ZFP3: variants seen among roughly 807,000 people sequenced by gnomAD.
The protein encoded by ZFP3 is ZFP3 zinc finger protein.
Under a neutral mutation model 36.7 loss-of-function variants are expected in ZFP3, and 18 were observed. That is an observed-to-expected ratio of 0.49 (90% CI 0.34 to 0.73). The LOEUF is 0.73. Ranked by LOEUF, ZFP3 falls within the 30% of genes least tolerant of loss-of-function variation. ZFP3 has a pLI of 0.01. For synonymous variants in ZFP3, 218 were observed against 199.0 expected, an observed-to-expected ratio of 1.10 and a Z score of -0.81; for missense variants, 495 against 599.0, an observed-to-expected ratio of 0.83 and a Z score of 1.81.
chr17:5,081,398 G>A (rs1375131460), intron 1 of ZFP3, among the ~76,000 whole-genome samples: 4 of 152,088 alleles, frequency 2.6e-5, no homozygotes, highest in Non-Finnish European at 5.9e-5. Flanking sequence ...GTCTTCAGAT[G>A]GAAATATGTG....
At chr17:5,086,241 T>A (rs1002007935) in intron 1 of ZFP3, among the ~76,000 whole-genome samples, 1 of 152,082 alleles carries the variant, frequency 6.6e-6, no homozygotes, top group African/African-American at 2.4e-5. Flanking sequence ...CTTCCAGGTG[T>A]CTGGGGAGGG....
At chr17:5,083,879 T>G (rs896569579) in intron 1 of ZFP3, among the ~76,000 whole-genome samples, 9 of 151,420 alleles carry the variant, frequency 5.9e-5, no homozygotes, top group African/African-American at 1.9e-4. Context: ...TTCTTTTCTT[T>G]TTTTTGAGAT....
chr17:5,083,279 C>T (rs978220768), intron 1 of ZFP3, among the ~76,000 whole-genome samples: 7 of 152,222 alleles, frequency 4.6e-5, no homozygotes, highest in East Asian at 1.9e-4. Context: ...CTTTGTAGGC[C>T]GGGCGCAGTG....
Position 5,093,019 on chromosome 17 carries a change from A to G in ZFP3, c.*6A>G, listed in dbSNP as rs1356463001. The G allele has an allele frequency of 6.5e-7, 1 of 1,547,508 alleles. No individual in the cohort carries two copies. Among genetic ancestry groups the G allele is most frequent in the Admixed American group, 2.1e-5 (1 of 46,518 alleles). On this transcript the variant is annotated 3_prime_UTR_variant, in exon 2 of 2. Transcript: ENST00000318833. ...GTGTTCACTGTATGGAGTAATCTGC[A>G]AAATAGGAAAGCTTTTAGTGGAAAA...
At position 5,093,074 on chromosome 17, in the gene ZFP3, A is replaced by G; in HGVS notation, c.*61A>G. 1 of 1,447,150 alleles carries G rather than the reference A, an allele frequency of 6.9e-7. No homozygotes were observed. The highest frequency in any genetic ancestry group is 1.4e-5 in the South Asian group (1 of 69,994). 89.6% of individuals were successfully genotyped at this position (1,447,150 alleles called of 1,614,324 possible). ...AAGTCCAACTTATTCATTTGTTCAT[A>G]ATATGCAAATATGCACCCCAAGTAT... On this transcript the variant is annotated 3_prime_UTR_variant, in exon 2 of 2. Transcript: ENST00000318833.
chr17:5,079,769 A>G (rs751618868), intron 1 of ZFP3, among the ~76,000 whole-genome samples: 2 of 150,098 alleles, frequency 1.3e-5, no homozygotes, highest in African/African-American at 2.5e-5. Context: ...GCTGGGCGTG[A>G]TGGCTCATGC....
At chr17:5,084,719 C>G (rs1431228401) in intron 1 of ZFP3, among the ~76,000 whole-genome samples, 1 of 152,200 alleles carries the variant, frequency 6.6e-6, no homozygotes, top group Non-Finnish European at 1.5e-5. Context: ...TGGTCAACCT[C>G]TACTCTTCCA....
At chr17:5,087,954 G>T (rs1338936775) in intron 1 of ZFP3, among the ~76,000 whole-genome samples, 1 of 152,180 alleles carries the variant, frequency 6.6e-6, no homozygotes, top group African/African-American at 2.4e-5. Context: ...AAGATCTAGA[G>T]GGAAAATGGA....
chr17:5,086,993 G>A (rs1200262043), intron 1 of ZFP3, among the ~76,000 whole-genome samples: 6 of 151,736 alleles, frequency 4.0e-5, no homozygotes, highest in Non-Finnish European at 7.4e-5. Context: ...CTCCCAAAGT[G>A]CTGGGATAAC....
rs2072173441 is a variant in ZFP3, at chr17:5,095,091, C to G, written c.*2078C>G. The G allele has an allele frequency of 6.0e-6, 1 of 167,012 alleles. No individual in the cohort carries two copies. The highest frequency in any genetic ancestry group is 2.1e-4 in the South Asian group (1 of 4,824). The allele number at this position is 167,012 out of a possible 1,614,324, so 10.3% of individuals were successfully genotyped here. ...TTTGCACAGTTTCTATTACTGATTTCTATGTAGATTTGAATATAACAAATT... is the reference window on the plus strand; with the variant it reads ...TTTGCACAGTTTCTATTACTGATTTGTATGTAGATTTGAATATAACAAATT... On this transcript the variant is annotated 3_prime_UTR_variant, in exon 2 of 2. Coordinates refer to ENST00000318833, the MANE Select transcript of ZFP3 (RefSeq NM_153018.3).
chr17:5,084,485 C>T (rs1287830864), intron 1 of ZFP3, among the ~76,000 whole-genome samples: 6 of 133,284 alleles, frequency 4.5e-5, no homozygotes, highest in Non-Finnish European at 6.4e-5. Context: ...CCGTGTTAGC[C>T]AGGATGGTCT....
intron 1 of ZFP3, among the ~76,000 whole-genome samples, chr17:5,086,518 C>T (rs1001576910): frequency 4.6e-5 from 7 of 151,966 alleles, no homozygotes; most frequent in Non-Finnish European, 8.8e-5. Flanking sequence ...TAAACATGTT[C>T]ATATCTCTTC....
chr17:5,082,520 C>G (rs2072099519), intron 1 of ZFP3, among the ~76,000 whole-genome samples: 1 of 152,034 alleles, frequency 6.6e-6, no homozygotes, highest in Non-Finnish European at 1.5e-5. Flanking sequence ...TCTTTGCTCC[C>G]AACAAAATTT....
intron 1 of ZFP3, among the ~76,000 whole-genome samples, chr17:5,084,491 G>A (rs2072111047): frequency 7.1e-6 from 1 of 140,940 alleles, no homozygotes; most frequent in South Asian, 2.4e-4. Flanking sequence ...TAGCCAGGAT[G>A]GTCTCGATCT....
chr17:5,092,252 G>A lies in ZFP3; in HGVS notation c.748G>A (p.Glu250Lys). ...TCTACACCAGAGAATCCATACTGGA[G>A]AGAAACCATATGAATGTAATGAATG... ...LILHQRIHTG[E>K]KPYECNECGK... is the part of the protein sequence containing the mutation. The change falls in exon 2 of 2, where the codon GAG becomes AAG. Residue 250 changes from glutamate (E) to lysine (K), a missense_variant. Glu to Lys is a moderately conservative substitution (Grantham distance 56). Coordinates refer to ENST00000318833, the MANE Select transcript of ZFP3 (RefSeq NM_153018.3). The surrounding 1 kb of genome is among the most constrained non-coding windows in gnomAD (Gnocchi z 5.0). The A allele has an allele frequency of 2.5e-6, 4 of 1,614,196 alleles. No individual in the cohort carries two copies. Among genetic ancestry groups the A allele is most frequent in the Non-Finnish European group, 3.4e-6 (4 of 1,180,044 alleles).
At chr17:5,087,293 G>C (rs535153381) in intron 1 of ZFP3, among the ~76,000 whole-genome samples, 1 of 151,658 alleles carries the variant, frequency 6.6e-6, no homozygotes, top group East Asian at 1.9e-4. Flanking sequence ...TCCCAGGCTG[G>C]TCTCAAACTC....
chr17:5,086,724 CTT>C (rs5819008), intron 1 of ZFP3, among the ~76,000 whole-genome samples: 414 of 110,626 alleles, frequency 3.7e-3, no homozygotes, highest in African/African-American at 0.014. Context: ...CATTTTCTTT[CTT>C]TTTTTTTTTT....
intron 1 of ZFP3, among the ~76,000 whole-genome samples, chr17:5,085,337 G>C (rs1302863853): frequency 6.6e-6 from 1 of 150,850 alleles, no homozygotes; most frequent in Non-Finnish European, 1.5e-5. Context: ...ATGAGCCACC[G>C]TGCCTGGCCA....
rs1422405913 is a variant in ZFP3, at chr17:5,091,930, A to T, written c.426A>T (p.Thr142=). ...QRSSVGEKPH[T]CKECGKAFNQ... ...GTTCTGTGGGAGAAAAGCCTCATAC[A>T]TGTAAAGAATGTGGGAAAGCCTTTA... Residue 142 remains threonine, a synonymous_variant, in exon 2 of 2, where the codon ACA becomes ACT. Transcript: ENST00000318833. The T allele has an allele frequency of 1.2e-6, 2 of 1,614,094 alleles. No individual in the cohort carries two copies. The highest frequency in any genetic ancestry group is 2.7e-5 in the African/African-American group (2 of 74,932).
Sources: gnomAD v4.1 joint callset for allele counts (sites outside exome capture counted in the v4.1 genomes callset) on GRCh38, gnomAD v4.1.1 for gene constraint, Gnocchi (gnomAD v3.1) non-coding constraint, MANE v1.5 for transcripts, NCBI Gene and HGNC (gene_info 2026-07-23, HGNC 2026-07-21) for gene names.